Variants in MTG1 observed in about 807,000 individuals in gnomAD.
MTG1 encodes the protein mitochondrial ribosome associated GTPase 1, also known as mitochondrial ribosome-associated GTPase 1.
In MTG1, 30 loss-of-function variants were observed where a neutral mutation model predicts 39.5. That is an observed-to-expected ratio of 0.76 (90% confidence interval 0.57 to 1.03). The LOEUF (loss-of-function observed/expected upper bound fraction) is 1.03, where lower values mean the gene tolerates loss of function less well. Among genes scored for constraint, MTG1 ranks in the 50% least tolerant of loss-of-function variants. The pLI is 0.00. For synonymous variants in MTG1, 217 were observed against 179.0 expected, an observed-to-expected ratio of 1.21 and a Z score of -1.69; for missense variants, 513 against 447.4, an observed-to-expected ratio of 1.15 and a Z score of -1.32.
rs369095848 is a variant in MTG1, at chr10:133,417,937, T to G, written c.753-1543T>G. 1.3e-3 allele frequency among the ~76,000 whole-genome samples: 191 copies of G among 152,316 alleles called. 1 individual carries two copies. Among genetic ancestry groups the G allele is most frequent in the South Asian group, 3.5e-3 (17 of 4,822 alleles). ...GTAGGAAGAATCAATATTGTGAAAA[T>G]GGCCATACTGCCCAAGGTAATTTAT... On this transcript the variant is annotated intron_variant, in intron 9 of 10. Transcript: ENST00000317502.
At chr10:133,408,323 T>G (rs76176445) in intron 9 of MTG1, among the ~76,000 whole-genome samples, 1 of 152,088 alleles carries the variant, frequency 6.6e-6, no homozygotes, top group South Asian at 2.1e-4. Flanking sequence ...GAAATGATTG[T>G]TTTTTTTCCT....
chr10:133,417,864 G>A (rs1850156322), intron 9 of MTG1, among the ~76,000 whole-genome samples: 3 of 152,136 alleles, frequency 2.0e-5, no homozygotes, highest in Admixed American at 6.5e-5. Context: ...ACTGCTCAAT[G>A]AAATAAAAGA....
chr10:133,394,401 G>C, intron 1 of MTG1, 69 bp downstream of exon 1: 1 of 1,363,784 alleles, frequency 7.3e-7, no homozygotes. Context: ...TCCCACCCCG[G>C]TTTCGGCCGT....
rs998993840 is a variant in MTG1 at position 133,415,211 on chromosome 10, A to G, written c.753-4269A>G. ...GGAGAGGGAGCGGAGCGGGAGCGGG[A>G]GAGGGAGCGGGAGCGGGCGCCCCTG... is the stretch of plus-strand genomic sequence containing the variant. On this transcript the variant is annotated intron_variant, in intron 9 of 10. Coordinates refer to ENST00000317502, the MANE Select transcript of MTG1 (RefSeq NM_138384.4). Among the ~76,000 whole-genome samples, 153 of 152,048 alleles carry G rather than the reference A, an allele frequency of 1.0e-3. 1 individual carries two copies. Among genetic ancestry groups the G allele is most frequent in the Non-Finnish European group, 1.7e-3 (116 of 67,938 alleles).
At chr10:133,415,658 C>T (rs1188400955) in intron 9 of MTG1, among the ~76,000 whole-genome samples, 1 of 152,244 alleles carries the variant, frequency 6.6e-6, no homozygotes, top group South Asian at 2.1e-4. Flanking sequence ...TGCTTTTGAG[C>T]AACTTGATTA....
intron 3 of MTG1, among the ~76,000 whole-genome samples, chr10:133,396,725 A>G (rs1232127828): frequency 6.6e-6 from 1 of 152,224 alleles, no homozygotes; most frequent in East Asian, 1.9e-4. Flanking sequence ...CAATATTATT[A>G]TAATTCTTGC....
At chr10:133,401,062 G>C (rs957670637) in intron 6 of MTG1, among the ~76,000 whole-genome samples, 5 of 152,236 alleles carry the variant, frequency 3.3e-5, no homozygotes, top group African/African-American at 1.2e-4. Context: ...CACACCCTGA[G>C]CTGGGTCCTA....
In MTG1 at chr10:133,416,335, T is replaced by C. The variant is rs1850131637; in HGVS notation, c.753-3145T>C. On this transcript the variant is annotated intron_variant, in intron 9 of 10. Transcript: ENST00000317502. ...TGATTTTTCTTCTCATTAGGGGGTC[T>C]GTTTTTTTGCTTTGTAGGCCTGGCA... Among the ~76,000 whole-genome samples the C allele has an allele frequency of 2.0e-5, 3 of 151,708 alleles. No homozygotes were observed. The South Asian group carries it at 6.2e-4, about 31-fold the overall frequency.
rs569795762 is a variant in MTG1, at chr10:133,416,503, T to C, written c.753-2977T>C. On this transcript the variant is annotated intron_variant, in intron 9 of 10. Coordinates refer to ENST00000317502, the MANE Select transcript of MTG1 (RefSeq NM_138384.4). ...GTGCCATGCTGGTGTACTGCACCCA[T>C]TAACTCGTCATTTAGCATTAGGTAT... Among the ~76,000 whole-genome samples the C allele has an allele frequency of 2.0e-5, 3 of 150,966 alleles. No individual in the cohort carries two copies. In the South Asian group the frequency reaches 6.4e-4, roughly 32 times the overall value.
Position 133,402,582 on chromosome 10 carries a change from T to C in MTG1, c.671-110T>C. 2.9e-6 allele frequency: 3 copies of C among 1,025,396 alleles called. No homozygotes were observed. In the Admixed American group the frequency reaches 7.1e-5, roughly 24 times the overall value. 63.5% of individuals were successfully genotyped at this position (1,025,396 alleles called of 1,614,324 possible). On this transcript the variant is annotated intron_variant, in intron 8 of 10. Transcript: ENST00000317502. This position sits in a 1 kb window ranked among gnomAD's most constrained non-coding sequence, Gnocchi z 4.7. The stretch of plus-strand genomic sequence containing the variant: ...AGTGTCTTTGTCAGTGGCTGGCCTC[T>C]TCCTCACGGCACGGTGTCTTTGGGC...
At position 133,402,719 on chromosome 10, in the gene MTG1, A is replaced by C; in HGVS notation, c.698A>C (p.Glu233Ala). ...ACGGTGCTGGACCACCTGGTCGGGG[A>C]GGAGACCATGGCTGACTACCTGCTG... ...CGTVLDHLVG[E>A]ETMADYLLYT... is the part of the protein sequence containing the mutation. Residue 233 changes from glutamate to alanine, a missense_variant, in exon 9 of 11, where the codon GAG becomes GCG. Physicochemically the swap from Glu to Ala is moderately radical, Grantham distance 107 (BLOSUM62 -1). Coordinates refer to ENST00000317502, the MANE Select transcript of MTG1 (RefSeq NM_138384.4). This position sits in a 1 kb window ranked among gnomAD's most constrained non-coding sequence, Gnocchi z 4.7. The C allele has an allele frequency of 1.2e-6, 2 of 1,608,314 alleles. No homozygotes were observed.
intron 2 of MTG1, 128 bp from the exon 3 acceptor site, chr10:133,396,035 C>T: frequency 1.1e-6 from 1 of 915,166 alleles, no homozygotes; most frequent in Non-Finnish European, 1.8e-6. Context: ...ATGTTCCTGC[C>T]AACTGGGGCT....
At position 133,399,163 on chromosome 10, in the gene MTG1, G is replaced by A; in HGVS notation, c.364-7G>A. On this transcript the variant is annotated splice_region_variant and splice_polypyrimidine_tract_variant and intron_variant, in intron 4 of 10. Coordinates refer to ENST00000317502, the MANE Select transcript of MTG1 (RefSeq NM_138384.4). The stretch of plus-strand genomic sequence containing the variant: ...GGGGTGGCTCCATGAGTGGGTGTTT[G>A]TTGCAGATCATCCCGATGGTCACTG... 1 of 1,614,206 alleles carries A rather than the reference G, an allele frequency of 6.2e-7. No individual in the cohort carries two copies. The highest frequency in any genetic ancestry group is 8.5e-7 in the Non-Finnish European group (1 of 1,180,040).
intron 9 of MTG1, among the ~76,000 whole-genome samples, chr10:133,413,582 C>T (rs1043524501): frequency 6.6e-6 from 1 of 152,162 alleles, no homozygotes; most frequent in African/African-American, 2.4e-5. Flanking sequence ...TTTTTCCTCT[C>T]TCTTGCCTCT....
intron 9 of MTG1, among the ~76,000 whole-genome samples, chr10:133,403,764 G>A (rs1244676169): frequency 4.0e-5 from 4 of 100,820 alleles, no homozygotes; most frequent in African/African-American, 7.7e-5. Flanking sequence ...GTGTAGATCC[G>A]GGCTTTCGTT....
intron 9 of MTG1, among the ~76,000 whole-genome samples, chr10:133,408,030 T>C (rs532217844): frequency 2.6e-5 from 4 of 152,354 alleles, no homozygotes; most frequent in Middle Eastern, 3.4e-3. Flanking sequence ...AATTTTGACT[T>C]CTTCCTCTCC....
intron 9 of MTG1, among the ~76,000 whole-genome samples, chr10:133,408,795 A>T (rs1434996591): frequency 2.0e-5 from 3 of 152,172 alleles, no homozygotes; most frequent in Non-Finnish European, 4.4e-5. Flanking sequence ...GTATCCAGGA[A>T]TTCATCCCTT....
At chr10:133,400,306 G>T (rs1006384220) in intron 6 of MTG1, among the ~76,000 whole-genome samples, 4 of 152,266 alleles carry the variant, frequency 2.6e-5, no homozygotes, top group Non-Finnish European at 5.9e-5. Context: ...ATTCCTCCAT[G>T]GCGTCCGCCT....
rs181344813 is a variant in MTG1 at position 133,402,972 on chromosome 10, A to G, written c.752+199A>G. The G allele has an allele frequency of 1.7e-5, 9 of 531,552 alleles. No homozygotes were observed. Among genetic ancestry groups the G allele is most frequent in the Non-Finnish European group, 2.7e-5 (8 of 299,866 alleles). 32.9% of individuals were successfully genotyped at this position (531,552 alleles called of 1,614,324 possible). On this transcript the variant is annotated intron_variant, in intron 9 of 10. Coordinates refer to ENST00000317502, the MANE Select transcript of MTG1 (RefSeq NM_138384.4). This position sits in a 1 kb window ranked among gnomAD's most constrained non-coding sequence, Gnocchi z 4.7. The stretch of plus-strand genomic sequence containing the variant: ...AAAGCAACACACAATCAAGAAAACG[A>G]GCGTTCCCGTCACCCCCAGTCCCTG...
Sources: gnomAD v4.1 joint callset for allele counts (sites outside exome capture counted in the v4.1 genomes callset) on GRCh38, gnomAD v4.1.1 for gene constraint, Gnocchi (gnomAD v3.1) non-coding constraint, MANE v1.5 for transcripts, NCBI Gene and HGNC (gene_info 2026-07-23, HGNC 2026-07-21) for gene names.